The following CEMIP2 variants were observed in gnomAD, a reference collection of about 807,000 sequenced individuals.
CEMIP2 encodes cell migration inducing hyaluronidase 2.
Under a neutral mutation model 146.9 loss-of-function variants are expected in CEMIP2, and 79 were observed. That is an observed-to-expected ratio of 0.54 (90% CI 0.45 to 0.65). CEMIP2 has a LOEUF of 0.65. Ranked by LOEUF, CEMIP2 falls within the 30% of genes least tolerant of loss-of-function variation. CEMIP2 has a pLI of 0.00. For missense variants in CEMIP2, 1,596 were observed against 1,696.2 expected, an observed-to-expected ratio of 0.94 and a Z score of 1.04; for synonymous variants, 601 against 606.3, an observed-to-expected ratio of 0.99 and a Z score of 0.13.
Position 71,734,865 on chromosome 9 carries a change from G to A in CEMIP2, c.1334C>T (p.Ala445Val), listed in dbSNP as rs756416811. 4 of 1,613,892 alleles carry A rather than the reference G, an allele frequency of 2.5e-6. No individual in the cohort carries two copies. The highest frequency in any genetic ancestry group is 3.4e-6 in the Non-Finnish European group (4 of 1,179,998). ...ACAGGGAAGAAGAGTGAACTCCTCT[G>A]CTTGGTACATGGAATAGTCTGTGCT... ...VASTDYSMYQ[A>V]EEFTLLPCSE... is the part of the protein sequence containing the mutation. Residue 445 changes from alanine to valine, a missense_variant, in exon 6 of 24, where the codon GCA becomes GTA. Transcript: ENST00000377044.
chr9:71,701,499 A>G (rs1261541978), intron 18 of CEMIP2, among the ~76,000 whole-genome samples: 2 of 152,222 alleles, frequency 1.3e-5, no homozygotes, highest in Non-Finnish European at 2.9e-5. Context: ...AAATTAAGTG[A>G]GATGGTTGGG....
At chr9:71,722,360 A>T in intron 12 of CEMIP2, 67 bp downstream of exon 12, 2 of 1,210,764 alleles carry the variant, frequency 1.7e-6, no homozygotes, top group Middle Eastern at 1.9e-4. Flanking sequence ...AGCACAATAA[A>T]CTCCAGTTAG....
At position 71,707,620 on chromosome 9, in the gene CEMIP2, G is replaced by A. The variant is rs144909136; in HGVS notation, c.2985+1639C>T. Among the ~76,000 whole-genome samples the A allele has an allele frequency of 4.6e-3, 705 of 152,280 alleles. 3 individuals carry two copies. Among genetic ancestry groups the A allele is most frequent in the African/African-American group, 0.016 (677 of 41,562 alleles). ...GGTGGAAACAACATGTAATTCAGGG[G>A]GCTCAGAGAAGTGACAAGCGGGAGC... On this transcript the variant is annotated intron_variant, in intron 17 of 23. Transcript: ENST00000377044.
chr9:71,721,524 T>TTTCCCCAG (rs1823231471), intron 12 of CEMIP2, among the ~76,000 whole-genome samples: 1 of 152,220 alleles, frequency 6.6e-6, no homozygotes, highest in East Asian at 1.9e-4. Flanking sequence ...CAAACTAGAC[T>TTTCCCCAG]TTCCCCAGTT....
At chr9:71,720,880 G>A (rs2131936065) in intron 12 of CEMIP2, among the ~76,000 whole-genome samples, 1 of 152,156 alleles carries the variant, frequency 6.6e-6, no homozygotes, top group Admixed American at 6.5e-5. Context: ...AAACTAGTAA[G>A]AGAAATAAAT....
chr9:71,740,202 A>G lies in CEMIP2; in HGVS notation c.1065T>C (p.Asp355=), dbSNP rs754518209. The change falls in exon 5 of 24, where the codon GAT becomes GAC. Residue 355 remains aspartate (D), a synonymous_variant. Transcript: ENST00000377044. ...RQAWALVGVI[D]GGSTSCNESV... ...ATTCATTGCAAGAAGTGCTTCCACC[A>G]TCAATGACACCAACTAAAGCCCAAG... 3.7e-6 allele frequency: 6 copies of G among 1,613,808 alleles called. No individual in the cohort carries two copies. The African/African-American group carries it at 5.3e-5, about 14-fold the overall frequency.
chr9:71,706,240 GA>G (rs35856513), intron 17 of CEMIP2, among the ~76,000 whole-genome samples: 3,529 of 134,634 alleles, frequency 0.026, 134 homozygotes, highest in African/African-American at 0.086. Context: ...AAAAAAAAAG[GA>G]AAAAAAAAAA....
At chr9:71,701,116 T>C (rs369292746) in intron 18 of CEMIP2, among the ~76,000 whole-genome samples, 1 of 152,190 alleles carries the variant, frequency 6.6e-6, no homozygotes, top group Non-Finnish European at 1.5e-5. Flanking sequence ...TTTGTTGTTG[T>C]TGTTTTTGAG....
At chr9:71,691,420 G>GAAAAAAAAA (rs148544899) in intron 21 of CEMIP2, among the ~76,000 whole-genome samples, 4 of 126,982 alleles carry the variant, frequency 3.2e-5, no homozygotes, top group African/African-American at 1.3e-4. Flanking sequence ...TCTGTCTCAG[G>GAAAAAAAAA]AAAAAAAAAA....
chr9:71,730,441 G>A (rs1400258741), intron 8 of CEMIP2, among the ~76,000 whole-genome samples, 188 bp from the exon 9 acceptor site: 1 of 149,900 alleles, frequency 6.7e-6, no homozygotes, highest in East Asian at 1.9e-4. Flanking sequence ...GTCCCACAGG[G>A]GAAAAAAATA....
At chr9:71,768,307 C>G (rs1482018774) in intron 1 of CEMIP2, 50 bp downstream of exon 1, 1 of 68,944 alleles carries the variant, frequency 1.5e-5, no homozygotes, top group Non-Finnish European at 2.6e-5. Flanking sequence ...CCGAGGGCAG[C>G]AAACGAGGTG....
intron 1 of CEMIP2, among the ~76,000 whole-genome samples, chr9:71,755,961 CAAAAAAA>C (rs55972127): frequency 3.8e-5 from 2 of 52,888 alleles, no homozygotes; most frequent in Non-Finnish European, 7.4e-5. Context: ...CTCTGTCTCA[CAAAAAAA>C]AAAAAAAAAA....
At chr9:71,756,038 A>G in intron 1 of CEMIP2, among the ~76,000 whole-genome samples, 1 of 144,170 alleles carries the variant, frequency 6.9e-6, no homozygotes, top group Non-Finnish European at 1.5e-5. Context: ...CAGTTAATTT[A>G]TGTACTTGTC....
chr9:71,726,939 G>A (rs1311668484), intron 10 of CEMIP2, among the ~76,000 whole-genome samples: 2 of 152,132 alleles, frequency 1.3e-5, no homozygotes, highest in Non-Finnish European at 2.9e-5. Flanking sequence ...GGGATAAGGG[G>A]AGTAGCAGCT....
chr9:71,685,895 G>C (rs755472002), intron 22 of CEMIP2, 49 bp from the exon 23 acceptor site: 2 of 1,326,756 alleles, frequency 1.5e-6, no homozygotes, highest in Admixed American at 3.4e-5. Context: ...CCTTCAGCAT[G>C]AGTATCTTTC....
intron 16 of CEMIP2, 140 bp downstream of exon 16, chr9:71,711,943 A>C: frequency 3.6e-6 from 3 of 823,732 alleles, no homozygotes; most frequent in Non-Finnish European, 5.6e-6. Context: ...AGTGCATGGA[A>C]TTAGGAGCTG....
In CEMIP2 at chr9:71,746,969, T is replaced by G. The variant is rs567324661; in HGVS notation, c.332-628A>C. ...ATTACAGGTTAGAGAAACCAAAGAT[T>G]ACTTAGCAAGCTGAGTGATACGCAA... On this transcript the variant is annotated intron_variant, in intron 2 of 23. Coordinates refer to ENST00000377044, the MANE Select transcript of CEMIP2 (RefSeq NM_013390.3). Among the ~76,000 whole-genome samples, 3 of 152,344 alleles carry G rather than the reference T, an allele frequency of 2.0e-5. No individual in the cohort carries two copies. The East Asian group carries it at 5.8e-4, about 29-fold the overall frequency.
intron 16 of CEMIP2, 49 bp from the exon 17 acceptor site, chr9:71,709,523 T>C: frequency 2.0e-6 from 3 of 1,504,730 alleles, no homozygotes; most frequent in Non-Finnish European, 2.8e-6. Flanking sequence ...GCTCCTGCTA[T>C]CTCAGCATCC....
chr9:71,722,563 C>G (rs1343801821), intron 11 of CEMIP2, 48 bp from the exon 12 acceptor site: 1 of 1,388,318 alleles, frequency 7.2e-7, no homozygotes, highest in East Asian at 2.3e-5. Flanking sequence ...TCCCAACTTA[C>G]AACAACATAT....
Sources: gnomAD v4.1 joint callset for allele counts (sites outside exome capture counted in the v4.1 genomes callset) on GRCh38, gnomAD v4.1.1 for gene constraint, MANE v1.5 for transcripts, NCBI Gene and HGNC (gene_info 2026-07-23, HGNC 2026-07-21) for gene names.